Variants in CSPP1 observed in about 807,000 individuals in gnomAD.
The protein encoded by CSPP1 is centrosome and spindle pole-associated protein 1.
A neutral mutation model predicts 164.4 loss-of-function variants in CSPP1; 126 were observed. The observed-to-expected ratio is 0.77, with a 90% CI of 0.66 to 0.89. The LOEUF (loss-of-function observed/expected upper bound fraction) is 0.89. CSPP1 is among the 40% of genes least tolerant of loss of function. The probability of loss-of-function intolerance (pLI) is 0.00; values close to 1 mark genes in which losing one functional copy is unlikely to be tolerated. For synonymous variants in CSPP1, 472 were observed against 476.7 expected (o/e 0.99, Z 0.13); for missense variants, 1,395 against 1,449.8 (o/e 0.96, Z 0.61).
At chr8:67,175,565 C>T (rs1831413063) in intron 26 of CSPP1, 129 bp downstream of exon 26, 5 of 1,095,448 alleles carry the variant, frequency 4.6e-6, no homozygotes, top group African/African-American at 1.6e-5. Context: ...TCACAGGGTC[C>T]GTTTGGTCTG....
chr8:67,137,001 A>G (rs1563651602), intron 16 of CSPP1, among the ~76,000 whole-genome samples: 1 of 152,016 alleles, frequency 6.6e-6, no homozygotes, highest in Non-Finnish European at 1.5e-5. Flanking sequence ...TTATTTAAAG[A>G]CAGTGTCTTG....
chr8:67,165,080 C>G (rs570072970), intron 24 of CSPP1, among the ~76,000 whole-genome samples: 119 of 152,258 alleles, frequency 7.8e-4, no homozygotes, highest in South Asian at 4.1e-4. Context: ...GTCAGGAGAT[C>G]GAGACCATCC....
intron 26 of CSPP1, 194 bp downstream of exon 26, chr8:67,175,630 GGT>G (rs1210589800): frequency 4.3e-6 from 3 of 705,840 alleles, no homozygotes; most frequent in Non-Finnish European, 7.7e-6. Flanking sequence ...CCACTAGGGT[GGT>G]GTATTCATGC....
intron 4 of CSPP1, among the ~76,000 whole-genome samples, chr8:67,087,280 A>G (rs1020839507): frequency 1.3e-5 from 2 of 152,180 alleles, no homozygotes; most frequent in African/African-American, 4.8e-5. Context: ...TATAGATTGC[A>G]TTGTCCATTT....
rs943609697 is a variant in CSPP1 at position 67,196,136 on chromosome 8, T to C, written c.*543T>C. On this transcript the variant is annotated 3_prime_UTR_variant, in exon 31 of 31. Coordinates refer to ENST00000678616, the MANE Select transcript of CSPP1 (RefSeq NM_001382391.1). ...TAATTACTTGTATTTTTGTAAGCCA[T>C]ACGTTAAATGTTTGTTACATCATCT... is the stretch of plus-strand genomic sequence containing the variant. The C allele has an allele frequency of 6.6e-6, 1 of 152,554 alleles. No individual in the cohort carries two copies. The highest frequency in any genetic ancestry group is 2.4e-5 in the African/African-American group (1 of 41,466). 9.5% of individuals were successfully genotyped at this position (152,554 alleles called of 1,614,324 possible).
chr8:67,096,942 AT>A (rs1441312538), intron 7 of CSPP1, among the ~76,000 whole-genome samples: 1 of 152,222 alleles, frequency 6.6e-6, no homozygotes, highest in African/African-American at 2.4e-5. Context: ...AATACAATTT[AT>A]TCCTGTAGTC....
chr8:67,111,894 A>C (rs1816921989), intron 9 of CSPP1, 78 bp from the exon 10 acceptor site: 1 of 773,308 alleles, frequency 1.3e-6, no homozygotes, highest in African/African-American at 1.8e-5. Flanking sequence ...ATTAAGATGG[A>C]GTTTTTAAGG....
At chr8:67,153,607 A>G (rs933911683) in intron 18 of CSPP1, among the ~76,000 whole-genome samples, 1 of 152,106 alleles carries the variant, frequency 6.6e-6, no homozygotes, top group African/African-American at 2.4e-5. Context: ...GTTTTAGAAA[A>G]TTTTAAATAT....
rs1275794542 is a variant in CSPP1, at chr8:67,140,492, ACTTT to A, written c.1975+2894_1975+2897del. Among the ~76,000 whole-genome samples, 10 of 152,168 alleles carry A rather than the reference ACTTT, an allele frequency of 6.6e-5. No individual in the cohort carries two copies. The South Asian group carries it at 8.3e-4, about 13-fold the overall frequency. On this transcript the variant is annotated intron_variant, in intron 17 of 30. Coordinates refer to ENST00000678616, the MANE Select transcript of CSPP1 (RefSeq NM_001382391.1). ...GTTTTGAAAGAGTGAAACTCTTATT[ACTTT>A]CTTTATCAATGAAATGATTTTAGAT...
chr8:67,102,365 G>A (rs1814301427), intron 7 of CSPP1, among the ~76,000 whole-genome samples: 1 of 152,168 alleles, frequency 6.6e-6, no homozygotes, highest in Non-Finnish European at 1.5e-5. Flanking sequence ...GGCCAAGGCG[G>A]GAGATCACAA....
At chr8:67,120,831 G>A (rs932618425) in intron 15 of CSPP1, among the ~76,000 whole-genome samples, 1 of 151,446 alleles carries the variant, frequency 6.6e-6, no homozygotes, top group African/African-American at 2.4e-5. Flanking sequence ...TTTCTGATAT[G>A]AATACTTTTT....
At chr8:67,183,415 C>G (rs1381730425) in intron 28 of CSPP1, among the ~76,000 whole-genome samples, 2 of 152,156 alleles carry the variant, frequency 1.3e-5, no homozygotes, top group African/African-American at 2.4e-5. Context: ...CAAACCTTAA[C>G]AGATGTAAAA....
intron 28 of CSPP1, among the ~76,000 whole-genome samples, chr8:67,184,292 G>A (rs994036574): frequency 2.6e-5 from 4 of 152,122 alleles, no homozygotes; most frequent in African/African-American, 9.7e-5. Context: ...GTAAGCAGAA[G>A]AAGAGAAATA....
chr8:67,141,626 G>C (rs760235868), intron 17 of CSPP1, among the ~76,000 whole-genome samples: 9 of 152,130 alleles, frequency 5.9e-5, no homozygotes, highest in Non-Finnish European at 1.3e-4. Flanking sequence ...GGTTCAAGCA[G>C]TTCTCCTGCC....
intron 25 of CSPP1, 82 bp from the exon 26 acceptor site, chr8:67,175,214 C>T: frequency 1.0e-6 from 1 of 981,648 alleles, no homozygotes; most frequent in Non-Finnish European, 1.6e-6. Flanking sequence ...TTAGGTTACT[C>T]ATGTTACTTA....
chr8:67,086,522 TTTAA>T (rs1810436730), intron 4 of CSPP1, among the ~76,000 whole-genome samples: 1 of 152,136 alleles, frequency 6.6e-6, no homozygotes, highest in African/African-American at 2.4e-5. Flanking sequence ...TAAAATTACA[TTTAA>T]TTATTTAGCC....
chr8:67,187,448 A>G (rs890276051), intron 28 of CSPP1, among the ~76,000 whole-genome samples: 1 of 152,142 alleles, frequency 6.6e-6, no homozygotes, highest in Non-Finnish European at 1.5e-5. Context: ...GTAGTTCTGG[A>G]ACTTTGGGAG....
intron 13 of CSPP1, among the ~76,000 whole-genome samples, 180 bp downstream of exon 13, chr8:67,116,302 T>C (rs1338043560): frequency 6.6e-6 from 1 of 152,230 alleles, no homozygotes; most frequent in African/African-American, 2.4e-5. Flanking sequence ...AAAGGGAAAT[T>C]CTTAAAACAT....
At chr8:67,151,949 G>A (rs372659802) in intron 18 of CSPP1, among the ~76,000 whole-genome samples, 6 of 151,774 alleles carry the variant, frequency 4.0e-5, no homozygotes, top group African/African-American at 1.5e-4. Context: ...TTAGCTGGGC[G>A]TGGTGGCATG....
Sources: gnomAD v4.1 joint callset for allele counts (sites outside exome capture counted in the v4.1 genomes callset) on GRCh38, gnomAD v4.1.1 for gene constraint, MANE v1.5 for transcripts, NCBI Gene and HGNC (gene_info 2026-07-23, HGNC 2026-07-21) for gene names.